Variants in ESR1 observed in about 807,000 individuals in gnomAD.
ESR1 encodes estrogen receptor 1.
Under a neutral mutation model 52.7 loss-of-function variants are expected in ESR1, and 12 were observed. The observed-to-expected ratio is 0.23, with a 90% CI of 0.15 to 0.37. ESR1 has a LOEUF of 0.37. ESR1 is among the 10% of genes least tolerant of loss of function. ESR1 has a pLI of 1.00. For missense variants in ESR1, 584 were observed against 779.7 expected (o/e 0.75, Z 2.99); for synonymous variants, 305 against 316.8 (o/e 0.96, Z 0.39).
intron 2 of ESR1, among the ~76,000 whole-genome samples, chr6:151,738,332 C>T (rs545028044): frequency 1.3e-5 from 2 of 152,226 alleles, no homozygotes; most frequent in South Asian, 4.2e-4. Context: ...CATGGATGTG[C>T]AAATATCTCT....
intron 5 of ESR1, among the ~76,000 whole-genome samples, chr6:152,060,118 T>G (rs1425170455): frequency 6.6e-6 from 1 of 152,176 alleles, no homozygotes; most frequent in Non-Finnish European, 1.5e-5. Context: ...CTCATTTAAA[T>G]TCTTCAACAA....
chr6:151,765,657 T>C (rs1172971236), intron 2 of ESR1, among the ~76,000 whole-genome samples: 1 of 152,186 alleles, frequency 6.6e-6, no homozygotes, highest in Non-Finnish European at 1.5e-5. Context: ...TAAAACTACA[T>C]GGAGGAGTTG....
At chr6:151,762,340 G>A (rs939619023) in intron 2 of ESR1, among the ~76,000 whole-genome samples, 6 of 152,164 alleles carry the variant, frequency 3.9e-5, no homozygotes, top group African/African-American at 1.2e-4. Flanking sequence ...AAACAGCATG[G>A]TGCATGCTGA....
intron 5 of ESR1, among the ~76,000 whole-genome samples, chr6:152,040,652 A>G (rs551957011): frequency 2.6e-5 from 4 of 152,322 alleles, no homozygotes; most frequent in African/African-American, 7.2e-5. Context: ...TGCATTGGGA[A>G]GATTTCCCTT....
intron 1 of ESR1, among the ~76,000 whole-genome samples, chr6:151,678,372 C>G (rs1293939): frequency 0.27 from 41,479 of 151,544 alleles, 6,310 homozygotes; most frequent in East Asian, 0.41. Context: ...ACTTGGGAGG[C>G]TGAGGCAGGC....
exon 7 of ESR1, chr6:152,127,214 G>A (rs2152601294): frequency 6.6e-6 from 1 of 152,278 alleles, no homozygotes; most frequent in Non-Finnish European, 1.5e-5. Flanking sequence ...CCCTTCAGCA[G>A]AGTGGTACGG....
intron 2 of ESR1, among the ~76,000 whole-genome samples, chr6:151,845,833 A>G (rs1456878107): frequency 6.6e-6 from 1 of 152,162 alleles, no homozygotes; most frequent in Non-Finnish European, 1.5e-5. Flanking sequence ...GAACCTTAAA[A>G]TTATTCAGTT....
chr6:151,711,903 T>C (rs1370730034), intron 2 of ESR1, among the ~76,000 whole-genome samples: 6 of 152,238 alleles, frequency 3.9e-5, no homozygotes, highest in Non-Finnish European at 7.3e-5. Context: ...TTTGGTGTTT[T>C]AGTCATGAAG....
At chr6:151,868,964 C>G (rs1487315932) in intron 2 of ESR1, among the ~76,000 whole-genome samples, 4 of 152,042 alleles carry the variant, frequency 2.6e-5, no homozygotes, top group Admixed American at 2.6e-4. Flanking sequence ...CATATTCCAC[C>G]CCCACACCAG....
chr6:151,793,308 C>T (rs1344553576), intron 2 of ESR1, among the ~76,000 whole-genome samples: 1 of 152,120 alleles, frequency 6.6e-6, no homozygotes, highest in East Asian at 1.9e-4. Flanking sequence ...GGAAAGTCCT[C>T]AGGGACAGTA....
At chr6:151,877,323 T>C (rs1476108635) in intron 2 of ESR1, among the ~76,000 whole-genome samples, 1 of 152,214 alleles carries the variant, frequency 6.6e-6, no homozygotes, top group Non-Finnish European at 1.5e-5. Flanking sequence ...GAAAAAAAAC[T>C]ACTTTGTTGT....
At chr6:152,044,968 C>G (rs1187572191) in intron 5 of ESR1, among the ~76,000 whole-genome samples, 1 of 152,180 alleles carries the variant, frequency 6.6e-6, no homozygotes, top group Non-Finnish European at 1.5e-5. Context: ...AAACATGACT[C>G]ATTGCTGTTA....
At chr6:151,876,298 TGAC>T (rs1029642552) in intron 2 of ESR1, among the ~76,000 whole-genome samples, 9 of 152,060 alleles carry the variant, frequency 5.9e-5, no homozygotes, top group Non-Finnish European at 1.0e-4. Flanking sequence ...ACATCCATCT[TGAC>T]GAGTGTGAGA....
At chr6:152,067,405 A>T (rs1224170719) in intron 6 of ESR1, among the ~76,000 whole-genome samples, 1 of 152,198 alleles carries the variant, frequency 6.6e-6, no homozygotes, top group Non-Finnish European at 1.5e-5. Context: ...TCAGCACCTC[A>T]GGAGGAGAAG....
chr6:151,933,623 C>T (rs903525473), intron 3 of ESR1, among the ~76,000 whole-genome samples: 51 of 152,198 alleles, frequency 3.4e-4, no homozygotes, highest in African/African-American at 7.5e-4. Flanking sequence ...TTTTGACATA[C>T]GTCCCATCAA....
At chr6:151,775,374 G>A (rs1785871198) in intron 2 of ESR1, among the ~76,000 whole-genome samples, 1 of 152,034 alleles carries the variant, frequency 6.6e-6, no homozygotes, top group Admixed American at 6.6e-5. Flanking sequence ...TGTCATCTTG[G>A]CCCTCAAAAA....
At chr6:151,842,201 G>A (rs1018497707) in intron 1 of ESR1, among the ~76,000 whole-genome samples, 2 of 152,146 alleles carry the variant, frequency 1.3e-5, no homozygotes, top group Non-Finnish European at 2.9e-5. Context: ...TGTCCCAGCT[G>A]TTTTATGCTT....
intron 1 of ESR1, among the ~76,000 whole-genome samples, chr6:151,819,053 T>G (rs1250567656): frequency 6.6e-6 from 1 of 152,184 alleles, no homozygotes; most frequent in Non-Finnish European, 1.5e-5. Flanking sequence ...TGTTCCTACT[T>G]TCTTCTTCAT....
chr6:152,076,097 G>T (rs994659362), intron 6 of ESR1, among the ~76,000 whole-genome samples: 1 of 152,146 alleles, frequency 6.6e-6, no homozygotes, highest in Non-Finnish European at 1.5e-5. Flanking sequence ...ACACTGATAT[G>T]GTTTGGCTCT....
Sources: gnomAD v4.1 joint callset for allele counts (sites outside exome capture counted in the v4.1 genomes callset) on GRCh38, gnomAD v4.1.1 for gene constraint, MANE v1.5 for transcripts, NCBI Gene and HGNC (gene_info 2026-07-23, HGNC 2026-07-21) for gene names.